HS2ST1: variants seen among roughly 807,000 people sequenced by gnomAD.
HS2ST1 encodes the protein heparan sulfate 2-O-sulfotransferase 1, also known as 2-O-sulfotransferase.
In HS2ST1, 18 loss-of-function variants were observed where a neutral mutation model predicts 42.9. The observed-to-expected ratio is 0.42, with a 90% CI of 0.29 to 0.62. HS2ST1 has a LOEUF of 0.62. Among genes scored for constraint, HS2ST1 ranks in the 20% least tolerant of loss-of-function variants. HS2ST1 has a pLI of 0.21. For synonymous variants in HS2ST1, 146 were observed against 152.9 expected (o/e 0.95, Z 0.33); for missense variants, 334 against 433.8 (o/e 0.77, Z 2.04).
intron 1 of HS2ST1, among the ~76,000 whole-genome samples, chr1:86,982,042 C>T (rs1648609826): frequency 6.6e-6 from 1 of 152,230 alleles, no homozygotes; most frequent in Admixed American, 6.5e-5. Flanking sequence ...GTCTTCTGTG[C>T]ACCCACAGGC....
intron 1 of HS2ST1, among the ~76,000 whole-genome samples, chr1:86,969,848 G>A (rs1036520737): frequency 6.6e-5 from 10 of 152,004 alleles, no homozygotes; most frequent in Admixed American, 2.0e-4. Flanking sequence ...AGTTGGGGCC[G>A]GGTGCGGTGG....
At chr1:87,018,367 A>G (rs536964668) in intron 1 of HS2ST1, among the ~76,000 whole-genome samples, 1 of 152,210 alleles carries the variant, frequency 6.6e-6, no homozygotes, top group Non-Finnish European at 1.5e-5. Context: ...CCTGGCTCCT[A>G]AAGTGCAAAA....
intron 5 of HS2ST1, among the ~76,000 whole-genome samples, chr1:87,100,898 C>A (rs1341657527): frequency 1.3e-5 from 2 of 152,114 alleles, no homozygotes; most frequent in East Asian, 1.9e-4. Context: ...CAGAGCAAGA[C>A]CCTGTCTTTA....
At chr1:86,954,040 TAAAAAAA>T (rs367757359) in intron 1 of HS2ST1, among the ~76,000 whole-genome samples, 18 of 67,356 alleles carry the variant, frequency 2.7e-4, no homozygotes, top group African/African-American at 6.1e-4. Flanking sequence ...CTGTTTTTTT[TAAAAAAA>T]AAAAAAAAAA....
chr1:87,067,142 G>A (rs571811900), intron 1 of HS2ST1, among the ~76,000 whole-genome samples: 57 of 152,228 alleles, frequency 3.7e-4, no homozygotes, highest in Non-Finnish European at 6.6e-4. Context: ...TTGAGGAATC[G>A]CCACATTGTT....
intron 1 of HS2ST1, among the ~76,000 whole-genome samples, chr1:86,928,198 A>G (rs1350732847): frequency 6.6e-6 from 1 of 152,024 alleles, no homozygotes; most frequent in African/African-American, 2.4e-5. Flanking sequence ...TGCGTCTTTC[A>G]GTTTCTAAGG....
At chr1:86,988,111 C>T (rs1262638604) in intron 1 of HS2ST1, among the ~76,000 whole-genome samples, 1 of 152,168 alleles carries the variant, frequency 6.6e-6, no homozygotes, top group African/African-American at 2.4e-5. Context: ...TCAGTTACAT[C>T]AAGAAGATGG....
At chr1:87,007,479 C>A (rs901791499) in intron 1 of HS2ST1, among the ~76,000 whole-genome samples, 1 of 152,098 alleles carries the variant, frequency 6.6e-6, no homozygotes, top group East Asian at 1.9e-4. Context: ...GACATACACT[C>A]AAGCACTGTG....
At chr1:86,922,419 TTGTGTGTGTGTGTG>T (rs150775849) in intron 1 of HS2ST1, among the ~76,000 whole-genome samples, 1 of 147,742 alleles carries the variant, frequency 6.8e-6, no homozygotes, top group African/African-American at 2.5e-5. Flanking sequence ...GTTCTTCATT[TTGTGTGTGTGTGTG>T]TGTGTGTGTG....
chr1:87,007,514 A>C (rs187635108), intron 1 of HS2ST1, among the ~76,000 whole-genome samples: 17 of 152,136 alleles, frequency 1.1e-4, no homozygotes, highest in Non-Finnish European at 2.2e-4. Context: ...GTAATTATAC[A>C]CTCCCAGCAT....
At chr1:86,969,690 T>G (rs1332736404) in intron 1 of HS2ST1, among the ~76,000 whole-genome samples, 2 of 151,752 alleles carry the variant, frequency 1.3e-5, no homozygotes, top group East Asian at 3.8e-4. Flanking sequence ...CTGAGTTATA[T>G]AAAATATTTT....
At chr1:87,095,574 A>G (rs1652040598) in intron 4 of HS2ST1, among the ~76,000 whole-genome samples, 1 of 152,176 alleles carries the variant, frequency 6.6e-6, no homozygotes, top group African/African-American at 2.4e-5. Context: ...TATTTAATTT[A>G]ACCTTTGCCC....
intron 1 of HS2ST1, among the ~76,000 whole-genome samples, chr1:86,987,068 G>GT (rs11423322): frequency 0.73 from 85,353 of 117,204 alleles, 32,645 homozygotes; most frequent in East Asian, 0.95. Context: ...TGATAGCCAG[G>GT]TTTTTTTTTT....
chr1:86,977,880 T>C lies in HS2ST1; in HGVS notation c.124+62720T>C, dbSNP rs576752173. On this transcript the variant is annotated intron_variant, in intron 1 of 6. Transcript: ENST00000370550. ...GCAACTAAAGGAAAGTTTGGGTCAT[T>C]GATTTTGTGGTTTCAGTACAGTCAT... Among the ~76,000 whole-genome samples, 291 of 152,334 alleles carry C rather than the reference T, an allele frequency of 1.9e-3. 1 individual carries two copies. The highest frequency in any genetic ancestry group is 6.6e-3 in the African/African-American group (276 of 41,574).
intron 1 of HS2ST1, among the ~76,000 whole-genome samples, chr1:86,972,659 G>A (rs759076450): frequency 4.6e-5 from 7 of 152,186 alleles, no homozygotes; most frequent in Non-Finnish European, 8.8e-5. Flanking sequence ...GTCTTGGGGC[G>A]CATCCCCTGG....
chr1:86,965,938 T>C (rs2102203450), intron 1 of HS2ST1, among the ~76,000 whole-genome samples: 3 of 152,362 alleles, frequency 2.0e-5, no homozygotes, highest in Middle Eastern at 3.4e-3. Flanking sequence ...CTTTGTGTTA[T>C]CATTTGCCTG....
chr1:86,966,458 A>G (rs1467958659), intron 1 of HS2ST1, among the ~76,000 whole-genome samples: 1 of 152,228 alleles, frequency 6.6e-6, no homozygotes, highest in African/African-American at 2.4e-5. Context: ...ATTTTATGGA[A>G]TGTTCTTTCT....
At chr1:87,064,552 G>T in intron 1 of HS2ST1, 1 of 516,554 alleles carries the variant, frequency 1.9e-6, no homozygotes. Context: ...TGACTATCTG[G>T]AAACCACACA....
intron 1 of HS2ST1, among the ~76,000 whole-genome samples, chr1:86,973,220 GTCTT>G (rs1014423436): frequency 6.8e-6 from 1 of 147,908 alleles, no homozygotes; most frequent in African/African-American, 2.6e-5. Flanking sequence ...TAAATTTATG[GTCTT>G]TTTTTTTTTT....
Sources: gnomAD v4.1 joint callset for allele counts (sites outside exome capture counted in the v4.1 genomes callset) on GRCh38, gnomAD v4.1.1 for gene constraint, MANE v1.5 for transcripts, NCBI Gene and HGNC (gene_info 2026-07-23, HGNC 2026-07-21) for gene names.